PELI1: variants seen among roughly 807,000 people sequenced by gnomAD.
The protein encoded by PELI1 is pellino E3 ubiquitin protein ligase 1.
A neutral mutation model predicts 41.3 loss-of-function variants in PELI1; 15 were observed. The observed-to-expected ratio is 0.36, with a 90% CI of 0.24 to 0.56. The LOEUF (loss-of-function observed/expected upper bound fraction) is 0.56, where lower values mean the gene tolerates loss of function less well. PELI1 is among the 20% of genes least tolerant of loss of function. The probability of loss-of-function intolerance (pLI) is 0.82; values close to 1 mark genes in which losing one functional copy is unlikely to be tolerated. For synonymous variants in PELI1, 178 were observed against 180.1 expected (o/e 0.99, Z 0.09); for missense variants, 403 against 525.5 (o/e 0.77, Z 2.28).
intron 1 of PELI1, among the ~76,000 whole-genome samples, chr2:64,110,722 T>A (rs1680783243): frequency 6.6e-6 from 1 of 151,106 alleles, no homozygotes; most frequent in South Asian, 2.1e-4. Flanking sequence ...AGGTCAGGAG[T>A]TCAAGACCAG....
In PELI1 at chr2:64,101,903, C is replaced by T. The variant is rs1576072518; in HGVS notation, c.202-1404G>A. Among the ~76,000 whole-genome samples the T allele has an allele frequency of 2.7e-5, 4 of 148,572 alleles. No homozygotes were observed. In the Admixed American group the frequency reaches 2.7e-4, roughly 10 times the overall value. The stretch of plus-strand genomic sequence containing the variant: ...AGTGCAGTGGTGCTATCTCGGCTCA[C>T]TGTAACCTCCGCCTCCCAGGTTCAA... On this transcript the variant is annotated intron_variant, in intron 3 of 6. Coordinates refer to ENST00000358912, the MANE Select transcript of PELI1 (RefSeq NM_020651.4).
At chr2:64,107,590 T>A (rs1487460944) in intron 2 of PELI1, among the ~76,000 whole-genome samples, 1 of 152,126 alleles carries the variant, frequency 6.6e-6, no homozygotes, top group Non-Finnish European at 1.5e-5. Context: ...GAAAGGGAAT[T>A]TTTGGTAAAG....
At position 64,096,292 on chromosome 2, in the gene PELI1, T is replaced by C; in HGVS notation, c.523A>G (p.Thr175Ala). 6.2e-7 allele frequency: 1 copy of C among 1,613,966 alleles called. No individual in the cohort carries two copies. Among genetic ancestry groups the C allele is most frequent in the Non-Finnish European group, 8.5e-7 (1 of 1,179,820 alleles). ...FLGEKAAKWK[T>A]SDGQMDGLTT... Reference sequence around the variant, plus strand: ...AAGCCATCCATCTGTCCATCTGATGTCTTCCATTTGGCAGCCTTCTCCTAG... The same window carrying C: ...AAGCCATCCATCTGTCCATCTGATGCCTTCCATTTGGCAGCCTTCTCCTAG... The change falls in exon 6 of 7, where the codon ACA becomes GCA. Residue 175 changes from threonine (T) to alanine (A), a missense_variant. Thr to Ala is a moderately conservative substitution (Grantham distance 58). Transcript: ENST00000358912.
At chr2:64,126,588 AT>A (rs1681394552) in intron 1 of PELI1, among the ~76,000 whole-genome samples, 1 of 152,240 alleles carries the variant, frequency 6.6e-6, no homozygotes, top group African/African-American at 2.4e-5. Context: ...TGCAAAAGGT[AT>A]GCCTCCCTAT....
Position 64,094,039 on chromosome 2 carries a change from G to A in PELI1, c.*663C>T, listed in dbSNP as rs992627921. On this transcript the variant is annotated 3_prime_UTR_variant, in exon 7 of 7. Transcript: ENST00000358912. ...ATCTTTCCTGATTATCTTCAATGTT[G>A]TTAAAAACAAACACCTTTCACGCGG... The A allele has an allele frequency of 6.6e-6, 1 of 152,580 alleles. No individual in the cohort carries two copies. Among genetic ancestry groups the A allele is most frequent in the Admixed American group, 6.5e-5 (1 of 15,274 alleles). The allele number at this position is 152,580 out of a possible 1,614,324, so 9.5% of individuals were successfully genotyped here.
intron 1 of PELI1, among the ~76,000 whole-genome samples, chr2:64,126,060 C>A (rs1044218003): frequency 6.6e-6 from 1 of 152,178 alleles, no homozygotes; most frequent in Non-Finnish European, 1.5e-5. Flanking sequence ...CCTATACTCT[C>A]CATAAAATGC....
intron 3 of PELI1, among the ~76,000 whole-genome samples, chr2:64,102,192 T>A (rs1002785386): frequency 6.6e-6 from 1 of 152,098 alleles, no homozygotes; most frequent in Admixed American, 6.6e-5. Context: ...CTCTCCCAGT[T>A]CCCTTTTCTC....
chr2:64,112,886 ACTCT>A lies in PELI1; in HGVS notation c.-69-4511_-69-4508del, dbSNP rs552354571. 2.2e-4 allele frequency among the ~76,000 whole-genome samples: 34 copies of A among 151,976 alleles called. 1 individual carries two copies. The South Asian group carries it at 6.9e-3, about 31-fold the overall frequency. ...ATTCATGATCTTCCCAAAGGTTTAT[ACTCT>A]TTAACAAAGACCAGTACCTAGACAA... On this transcript the variant is annotated intron_variant, in intron 1 of 6. Transcript: ENST00000358912.
chr2:64,117,951 A>G (rs1681056254), intron 1 of PELI1, among the ~76,000 whole-genome samples: 1 of 152,056 alleles, frequency 6.6e-6, no homozygotes, highest in African/African-American at 2.4e-5. Flanking sequence ...CTGGGACTAC[A>G]GGTGCATGCC....
At chr2:64,142,009 A>G (rs72893173) in intron 1 of PELI1, among the ~76,000 whole-genome samples, 3,469 of 152,344 alleles carry the variant, frequency 0.023, 114 homozygotes, top group African/African-American at 0.077. Context: ...TTAAGGAAAG[A>G]ATGGATTCCC....
At chr2:64,106,667 G>A (rs1187655921) in intron 2 of PELI1, among the ~76,000 whole-genome samples, 5 of 152,132 alleles carry the variant, frequency 3.3e-5, no homozygotes, top group South Asian at 2.1e-4. Flanking sequence ...TACAGACAAG[G>A]AAACTAAGGC....
Position 64,093,930 on chromosome 2 carries a change from T to A in PELI1, c.*772A>T, listed in dbSNP as rs1680134884. 1 of 152,636 alleles carries A rather than the reference T, an allele frequency of 6.6e-6. No homozygotes were observed. 9.5% of individuals were successfully genotyped at this position (152,636 alleles called of 1,614,324 possible). On this transcript the variant is annotated 3_prime_UTR_variant, in exon 7 of 7. Coordinates refer to ENST00000358912, the MANE Select transcript of PELI1 (RefSeq NM_020651.4). The stretch of plus-strand genomic sequence containing the variant: ...GAAAAATAGATAATCTAGATTAAAT[T>A]GCATATCCAAAGGAGCATATAAAAT...
chr2:64,098,410 C>A (rs780382350), intron 4 of PELI1, among the ~76,000 whole-genome samples: 3 of 152,222 alleles, frequency 2.0e-5, no homozygotes, highest in Non-Finnish European at 4.4e-5. Context: ...TTTGTGTATA[C>A]AAGCTACAAC....
chr2:64,124,072 A>C (rs2103723587), intron 1 of PELI1, among the ~76,000 whole-genome samples: 1 of 152,346 alleles, frequency 6.6e-6, no homozygotes, highest in Non-Finnish European at 1.5e-5. Context: ...CATTTATATG[A>C]AATGTCCAGA....
rs1558467794 is a variant in PELI1 at position 64,092,693 on chromosome 2, C to CTTTT, written c.*2005_*2008dup. On this transcript the variant is annotated 3_prime_UTR_variant, in exon 7 of 7. Coordinates refer to ENST00000358912, the MANE Select transcript of PELI1 (RefSeq NM_020651.4). The stretch of plus-strand genomic sequence containing the variant: ...AAAGTTCCTTTATTAGTAAGAGATG[C>CTTTT]TTTTAAAAAAGAACCAGATACTTTA... 1 of 152,076 alleles carries CTTTT rather than the reference C, an allele frequency of 6.6e-6. No individual in the cohort carries two copies. The highest frequency in any genetic ancestry group is 1.5e-5 in the Non-Finnish European group (1 of 68,010). 9.4% of individuals were successfully genotyped at this position (152,076 alleles called of 1,614,324 possible).
intron 1 of PELI1, among the ~76,000 whole-genome samples, chr2:64,121,018 C>T (rs1681190827): frequency 6.6e-6 from 1 of 152,208 alleles, no homozygotes; most frequent in Admixed American, 6.5e-5. Flanking sequence ...GTAACTGTCC[C>T]ATCCCCTGAA....
At chr2:64,123,847 T>A (rs1681302113) in intron 1 of PELI1, among the ~76,000 whole-genome samples, 1 of 152,182 alleles carries the variant, frequency 6.6e-6, no homozygotes, top group East Asian at 1.9e-4. Context: ...GCATTAATGT[T>A]CACAGCAGCA....
chr2:64,114,191 T>G (rs13005731), intron 1 of PELI1, among the ~76,000 whole-genome samples: 1,777 of 152,322 alleles, frequency 0.012, 18 homozygotes, highest in Non-Finnish European at 0.018. Flanking sequence ...ATAAAACAGA[T>G]TTCCATCTAT....
At chr2:64,102,075 T>A (rs1468096634) in intron 3 of PELI1, among the ~76,000 whole-genome samples, 1 of 152,062 alleles carries the variant, frequency 6.6e-6, no homozygotes, top group African/African-American at 2.4e-5. Flanking sequence ...TCCACCCACC[T>A]CGGCCTCCCA....
Sources: allele counts gnomAD v4.1 joint callset (sites outside exome capture counted in the v4.1 genomes callset), GRCh38; gene constraint gnomAD v4.1.1; transcripts MANE v1.5; gene names NCBI Gene and HGNC (gene_info 2026-07-23, HGNC 2026-07-21).